Variants in ADAMTS18 observed in about 807,000 individuals in gnomAD.
The protein encoded by ADAMTS18 is ADAM metallopeptidase with thrombospondin type 1 motif 18, also known as A disintegrin and metalloproteinase with thrombospondin motifs 18.
In ADAMTS18, 157 loss-of-function variants were observed where a neutral mutation model predicts 165.9. That is an observed-to-expected ratio of 0.95 (90% CI 0.83 to 1.08). The LOEUF (loss-of-function observed/expected upper bound fraction) is 1.08. Among genes scored for constraint, ADAMTS18 ranks in the 50% least tolerant of loss-of-function variants. ADAMTS18 has a pLI of 0.00. For synonymous variants in ADAMTS18, 782 were observed against 578.2 expected, an observed-to-expected ratio of 1.35 and a Z score of -5.06; for missense variants, 2,040 against 1,534.0, an observed-to-expected ratio of 1.33 and a Z score of -5.51.
At chr16:77,357,768 T>C (rs994602951) in intron 8 of ADAMTS18, among the ~76,000 whole-genome samples, 4 of 152,326 alleles carry the variant, frequency 2.6e-5, no homozygotes, top group Admixed American at 1.3e-4. Context: ...CATATAAATA[T>C]CTCAGGAATT....
intron 7 of ADAMTS18, 147 bp downstream of exon 7, chr16:77,361,958 G>T: frequency 1.1e-6 from 1 of 897,640 alleles, no homozygotes; most frequent in Non-Finnish European, 1.7e-6. Context: ...AAGAACAATA[G>T]TCACCACAGG....
At chr16:77,318,970 ACAT>A in intron 16 of ADAMTS18, among the ~76,000 whole-genome samples, 1 of 152,346 alleles carries the variant, frequency 6.6e-6, no homozygotes, top group Middle Eastern at 3.4e-3. Flanking sequence ...GCACTCAGAG[ACAT>A]CATGAGGACT....
At chr16:77,362,069 T>C in intron 7 of ADAMTS18, 36 bp downstream of exon 7, 1 of 1,612,542 alleles carries the variant, frequency 6.2e-7, no homozygotes, top group African/African-American at 1.3e-5. Context: ...TGTTTTCAGC[T>C]AACAGGTGTG....
At chr16:77,318,262 T>C (rs2055922931) in intron 16 of ADAMTS18, among the ~76,000 whole-genome samples, 1 of 152,194 alleles carries the variant, frequency 6.6e-6, no homozygotes, top group Non-Finnish European at 1.5e-5. Flanking sequence ...GCAAACTATC[T>C]ATTTCCCACC....
intron 8 of ADAMTS18, among the ~76,000 whole-genome samples, chr16:77,357,212 T>C (rs1037226233): frequency 2.6e-5 from 4 of 152,092 alleles, no homozygotes; most frequent in Non-Finnish European, 5.9e-5. Flanking sequence ...CAAATAAATA[T>C]GTTACGATAA....
At chr16:77,409,892 C>T (rs1040899430) in intron 3 of ADAMTS18, among the ~76,000 whole-genome samples, 7 of 151,828 alleles carry the variant, frequency 4.6e-5, no homozygotes, top group Non-Finnish European at 4.4e-5. Context: ...AAGATTTATT[C>T]GGTGATTCCA....
chr16:77,299,709 C>T (rs1053622252), intron 17 of ADAMTS18, among the ~76,000 whole-genome samples: 2 of 152,232 alleles, frequency 1.3e-5, no homozygotes, highest in Admixed American at 6.5e-5. Flanking sequence ...CTTCTACTCA[C>T]CCAGTAGATG....
chr16:77,316,550 G>T (rs570398340), intron 16 of ADAMTS18, among the ~76,000 whole-genome samples: 1 of 152,294 alleles, frequency 6.6e-6, no homozygotes, highest in South Asian at 2.1e-4. Flanking sequence ...TTTGTATTAT[G>T]TGTGGGCCAC....
chr16:77,327,406 C>A (rs187351936), intron 12 of ADAMTS18, among the ~76,000 whole-genome samples: 1 of 152,222 alleles, frequency 6.6e-6, no homozygotes, highest in East Asian at 1.9e-4. Context: ...ACCTTAGCTC[C>A]CACATATGAA....
At chr16:77,407,848 G>A in intron 3 of ADAMTS18, among the ~76,000 whole-genome samples, 1 of 152,002 alleles carries the variant, frequency 6.6e-6, no homozygotes, top group Admixed American at 6.6e-5. Flanking sequence ...TTTTACATTG[G>A]AAAATATTTT....
intron 21 of ADAMTS18, 61 bp from the exon 22 acceptor site, chr16:77,289,472 A>C: frequency 6.3e-7 from 1 of 1,582,764 alleles, no homozygotes; most frequent in African/African-American, 1.3e-5. Flanking sequence ...GACATCAAAC[A>C]GAAGGAATTC....
At chr16:77,305,630 A>G (rs1019718390) in intron 16 of ADAMTS18, among the ~76,000 whole-genome samples, 6 of 152,294 alleles carry the variant, frequency 3.9e-5, no homozygotes, top group African/African-American at 1.4e-4. Flanking sequence ...AAAATTTTTC[A>G]AATTCGAAAT....
intron 12 of ADAMTS18, among the ~76,000 whole-genome samples, chr16:77,331,937 C>T (rs1168293244): frequency 6.6e-6 from 1 of 152,102 alleles, no homozygotes; most frequent in South Asian, 2.1e-4. Context: ...AAATGAAGTA[C>T]CATTCATCTT....
intron 3 of ADAMTS18, among the ~76,000 whole-genome samples, chr16:77,411,414 G>A (rs963927098): frequency 6.6e-6 from 1 of 152,156 alleles, no homozygotes; most frequent in African/African-American, 2.4e-5. Flanking sequence ...CTTGGCGCTT[G>A]AGACATATTT....
chr16:77,393,450 T>C (rs1291437941), intron 3 of ADAMTS18, among the ~76,000 whole-genome samples: 1 of 152,210 alleles, frequency 6.6e-6, no homozygotes, highest in African/African-American at 2.4e-5. Context: ...ATGATCTGAA[T>C]GTTTGTATCA....
chr16:77,348,350 C>G (rs1298365937), intron 10 of ADAMTS18, among the ~76,000 whole-genome samples: 2 of 152,166 alleles, frequency 1.3e-5, no homozygotes, highest in African/African-American at 4.8e-5. Context: ...CCAACACTAT[C>G]TCCACTGCAT....
At chr16:77,393,318 T>A (rs966830607) in intron 3 of ADAMTS18, among the ~76,000 whole-genome samples, 1 of 152,144 alleles carries the variant, frequency 6.6e-6, no homozygotes, top group African/African-American at 2.4e-5. Context: ...GCCTGAGGGT[T>A]TGCATTCATC....
At chr16:77,372,390 A>C (rs1173791799) in intron 3 of ADAMTS18, among the ~76,000 whole-genome samples, 1 of 152,236 alleles carries the variant, frequency 6.6e-6, no homozygotes, top group Non-Finnish European at 1.5e-5. Flanking sequence ...CAAACAAATA[A>C]AAATGTGGTA....
intron 15 of ADAMTS18, 84 bp from the exon 16 acceptor site, chr16:77,320,177 C>T: frequency 6.5e-7 from 1 of 1,533,734 alleles, no homozygotes; most frequent in Non-Finnish European, 9.0e-7. Flanking sequence ...ATGTAGTGTT[C>T]AGTTTTATAG....
Sources: allele counts gnomAD v4.1 joint callset (sites outside exome capture counted in the v4.1 genomes callset), GRCh38; gene constraint gnomAD v4.1.1; transcripts MANE v1.5; gene names NCBI Gene and HGNC (gene_info 2026-07-23, HGNC 2026-07-21).